Variants in MYO16 observed in about 807,000 individuals in gnomAD.
MYO16 encodes unconventional myosin-XVI.
A neutral mutation model predicts 205.3 loss-of-function variants in MYO16; 94 were observed. That is an observed-to-expected ratio of 0.46 (90% CI 0.39 to 0.54). The LOEUF is 0.54. Among genes scored for constraint, MYO16 ranks in the 20% least tolerant of loss-of-function variants. The pLI, the probability that MYO16 is intolerant of heterozygous loss-of-function variation, is 0.00. For synonymous variants in MYO16, 988 were observed against 954.0 expected, an observed-to-expected ratio of 1.04 and a Z score of -0.66; for missense variants, 2,315 against 2,387.5, an observed-to-expected ratio of 0.97 and a Z score of 0.63.
chr13:108,685,274 G>A (rs1882632265), intron 2 of MYO16, among the ~76,000 whole-genome samples: 1 of 152,080 alleles, frequency 6.6e-6, no homozygotes, highest in Non-Finnish European at 1.5e-5. Flanking sequence ...ACCTGCCTCG[G>A]CCTCCCAAAG....
At chr13:108,612,782 A>G (rs920211856) in intron 1 of MYO16, among the ~76,000 whole-genome samples, 30 of 152,280 alleles carry the variant, frequency 2.0e-4, no homozygotes, top group African/African-American at 7.2e-4. Flanking sequence ...TAACTCTTCA[A>G]GAGTGATACC....
intron 23 of MYO16, among the ~76,000 whole-genome samples, chr13:109,036,777 T>C (rs1886731353): frequency 6.6e-6 from 1 of 152,138 alleles, no homozygotes; most frequent in Non-Finnish European, 1.5e-5. Flanking sequence ...TCTTCCAATC[T>C]TGAGAAGGAA....
chr13:108,715,551 T>C (rs772693922), intron 3 of MYO16, among the ~76,000 whole-genome samples: 2 of 152,226 alleles, frequency 1.3e-5, no homozygotes, highest in African/African-American at 4.8e-5. Flanking sequence ...TACTCGGAGA[T>C]GCTCAGTAGA....
intron 23 of MYO16, among the ~76,000 whole-genome samples, chr13:109,022,674 A>G (rs1886111399): frequency 1.6e-5 from 1 of 62,960 alleles, no homozygotes; most frequent in Admixed American, 2.0e-4. Flanking sequence ...TATATTATAT[A>G]TACACATATA....
Position 108,666,251 on chromosome 13 carries a change from C to A in MYO16, c.292+102C>A, listed in dbSNP as rs539002544. 4 of 1,302,650 alleles carry A rather than the reference C, an allele frequency of 3.1e-6. No homozygotes were observed. The South Asian group carries it at 6.3e-5, about 21-fold the overall frequency. 80.7% of individuals were successfully genotyped at this position (1,302,650 alleles called of 1,614,324 possible). On this transcript the variant is annotated intron_variant, in intron 2 of 34. Coordinates refer to ENST00000457511, the MANE Select transcript of MYO16 (RefSeq NM_001198950.3). ...GATGGAGAGATGGGGCAGAAAAGTC[C>A]TTTTAAATATTGGAGGCTACTATCT... is the stretch of plus-strand genomic sequence containing the variant.
intron 9 of MYO16, among the ~76,000 whole-genome samples, chr13:108,843,484 A>G (rs1416351268): frequency 1.4e-5 from 2 of 139,010 alleles, no homozygotes; most frequent in African/African-American, 5.3e-5. Context: ...TGTAAACTAG[A>G]CCTCAAACAA....
intron 20 of MYO16, among the ~76,000 whole-genome samples, chr13:108,990,976 C>T (rs277803): frequency 0.012 from 1,820 of 152,256 alleles, 33 homozygotes; most frequent in African/African-American, 0.042. Flanking sequence ...AACAATTTAA[C>T]GACCAATCAA....
chr13:108,922,857 G>C (rs985676037), intron 16 of MYO16, among the ~76,000 whole-genome samples: 2 of 152,128 alleles, frequency 1.3e-5, no homozygotes, highest in Non-Finnish European at 2.9e-5. Flanking sequence ...ACCAACATTT[G>C]TTCAGCACTG....
intron 1 of MYO16, among the ~76,000 whole-genome samples, chr13:108,632,179 A>T (rs75134505): frequency 2.5e-3 from 375 of 151,764 alleles, no homozygotes; most frequent in African/African-American, 8.2e-3. Context: ...CCTGATGCGT[A>T]AGATTTTCCC....
At position 108,970,508 on chromosome 13, in the gene MYO16, T is replaced by G. The variant is rs138051552; in HGVS notation, c.2369+5606T>G. On this transcript the variant is annotated intron_variant, in intron 20 of 34. Transcript: ENST00000457511. The stretch of plus-strand genomic sequence containing the variant: ...GTATGTTCAAAGGTGAGAGTTCCCC[T>G]CCCTCTCCCACAGGCAAGGCCTGCG... Among the ~76,000 whole-genome samples, 869 of 152,260 alleles carry G rather than the reference T, an allele frequency of 5.7e-3. 11 individuals are homozygous for G. The highest frequency in any genetic ancestry group is 0.015 in the South Asian group (70 of 4,822).
chr13:108,658,727 C>G (rs1881354746), intron 1 of MYO16, among the ~76,000 whole-genome samples: 1 of 152,014 alleles, frequency 6.6e-6, no homozygotes, highest in Non-Finnish European at 1.5e-5. Context: ...GTTGATATTC[C>G]ATTTTCAATT....
At chr13:109,025,297 CAG>C (rs1404350345) in intron 23 of MYO16, among the ~76,000 whole-genome samples, 18 of 152,200 alleles carry the variant, frequency 1.2e-4, no homozygotes, top group African/African-American at 4.1e-4. Context: ...GGCCACGCTT[CAG>C]AGTCTTGTTT....
chr13:108,741,121 G>A (rs1029792000), intron 4 of MYO16, among the ~76,000 whole-genome samples: 32 of 151,974 alleles, frequency 2.1e-4, no homozygotes, highest in African/African-American at 6.0e-4. Context: ...GCTCTTACTC[G>A]GTGGGCTTCA....
chr13:108,906,260 T>C (rs1323566227), intron 15 of MYO16, among the ~76,000 whole-genome samples: 2 of 152,204 alleles, frequency 1.3e-5, no homozygotes, highest in Non-Finnish European at 2.9e-5. Flanking sequence ...TCGAGAATAC[T>C]TGCCTTTTGA....
chr13:109,075,775 G>T lies in MYO16; in HGVS notation c.3335+20180G>T, dbSNP rs961242960. Among the ~76,000 whole-genome samples the T allele has an allele frequency of 2.0e-5, 3 of 152,120 alleles. No individual in the cohort carries two copies. In the South Asian group the frequency reaches 6.2e-4, roughly 32 times the overall value. On this transcript the variant is annotated intron_variant, in intron 27 of 34. Transcript: ENST00000457511. ...ATAGTATCATGTTGATTGCTTTTTC[G>T]AGTTCTTTATATATTCTGAAGACAC... is the stretch of plus-strand genomic sequence containing the variant.
At chr13:108,957,928 C>T in intron 17 of MYO16, 129 bp downstream of exon 17, 1 of 712,762 alleles carries the variant, frequency 1.4e-6, no homozygotes, top group East Asian at 2.9e-5. Context: ...GATGATTCGG[C>T]AGACAACAAG....
intron 20 of MYO16, among the ~76,000 whole-genome samples, chr13:108,971,249 G>A (rs184595268): frequency 6.6e-5 from 10 of 151,446 alleles, no homozygotes; most frequent in African/African-American, 2.4e-4. Context: ...GCAAGTACAG[G>A]GTTATAGAAA....
At position 109,009,000 on chromosome 13, in the gene MYO16, C is replaced by T. The variant is rs1885501625; in HGVS notation, c.2546C>T (p.Thr849Ile). 6.2e-7 allele frequency: 1 copy of T among 1,608,578 alleles called. No individual in the cohort carries two copies. Among genetic ancestry groups the T allele is most frequent in the African/African-American group, 1.3e-5 (1 of 74,728 alleles). ...GTACAAGAGGGAGTTACCATGGAAACAGCATATTCTCCTGGTAACCAGAAT... is the reference window on the plus strand; with the variant it reads ...GTACAAGAGGGAGTTACCATGGAAATAGCATATTCTCCTGGTAACCAGAAT... ...ECVQEGVTME[T>I]AYSPGNQNGV... The change falls in exon 22 of 35, where the codon ACA (threonine) becomes ATA (isoleucine). Residue 849 changes from threonine to isoleucine, a missense_variant. Thr to Ile is a moderately conservative substitution (Grantham distance 89, BLOSUM62 -1). This residue lies in a region of MYO16 where 1,213 missense variants were observed against 1,274.4 expected (regional missense o/e 0.95). Coordinates refer to ENST00000457511, the MANE Select transcript of MYO16 (RefSeq NM_001198950.3).
At chr13:108,631,349 G>A (rs927288914) in intron 1 of MYO16, among the ~76,000 whole-genome samples, 15 of 152,208 alleles carry the variant, frequency 9.9e-5, no homozygotes, top group African/African-American at 3.6e-4. Flanking sequence ...TCAGGGAGCA[G>A]TTGGTCACCA....
Sources: allele counts gnomAD v4.1 joint callset (sites outside exome capture counted in the v4.1 genomes callset), GRCh38; gene constraint gnomAD v4.1.1; regional missense constraint gnomAD v4.1.1; transcripts MANE v1.5; gene names NCBI Gene and HGNC (gene_info 2026-07-23, HGNC 2026-07-21).